NWD2: variants seen among roughly 807,000 people sequenced by gnomAD.
NWD2 encodes the protein NACHT and WD repeat domain containing 2, also known as NACHT and WD repeat domain-containing protein 2.
A neutral mutation model predicts 132.7 loss-of-function variants in NWD2; 37 were observed. The observed-to-expected ratio is 0.28, with a 90% CI of 0.21 to 0.37. NWD2 has a LOEUF of 0.37. Among genes scored for constraint, NWD2 ranks in the 10% least tolerant of loss-of-function variants. The pLI, the probability that NWD2 is intolerant of heterozygous loss-of-function variation, is 1.00. For synonymous variants in NWD2, 705 were observed against 803.0 expected (o/e 0.88, Z 2.06); for missense variants, 1,592 against 2,122.4 (o/e 0.75, Z 4.91).
chr4:37,303,161 C>T (rs1718640410), intron 1 of NWD2, among the ~76,000 whole-genome samples: 1 of 152,140 alleles, frequency 6.6e-6, no homozygotes, highest in Non-Finnish European at 1.5e-5. Context: ...TGGTCTTCTG[C>T]ATATGGACAT....
In NWD2 at chr4:37,265,530, G is replaced by A. The variant is rs576327750; in HGVS notation, c.151+20312G>A. Reference sequence around the variant, plus strand: ...TGCATTCTCTCTGGAGGTATTAGAAGAGAACCTGTCTCCTTGCCTTTTGCA... The same window carrying A: ...TGCATTCTCTCTGGAGGTATTAGAAAAGAACCTGTCTCCTTGCCTTTTGCA... On this transcript the variant is annotated intron_variant, in intron 1 of 6. Coordinates refer to ENST00000309447, the MANE Select transcript of NWD2 (RefSeq NM_001144990.2). Among the ~76,000 whole-genome samples, 116 of 152,198 alleles carry A rather than the reference G, an allele frequency of 7.6e-4. 1 individual carries two copies. In the South Asian group the frequency reaches 0.012, roughly 16 times the overall value.
At chr4:37,340,212 A>G (rs755843748) in intron 2 of NWD2, among the ~76,000 whole-genome samples, 1 of 152,138 alleles carries the variant, frequency 6.6e-6, no homozygotes, top group Non-Finnish European at 1.5e-5. Context: ...TACCAATTCT[A>G]CATGGGCAGA....
At chr4:37,260,236 C>T (rs1414223883) in intron 1 of NWD2, among the ~76,000 whole-genome samples, 55 of 152,162 alleles carry the variant, frequency 3.6e-4, no homozygotes, top group Non-Finnish European at 1.0e-4. Flanking sequence ...TGGACTGAAA[C>T]ATCTTGGCTT....
chr4:37,364,380 G>T (rs574696212), intron 3 of NWD2, among the ~76,000 whole-genome samples: 2 of 152,042 alleles, frequency 1.3e-5, no homozygotes, highest in African/African-American at 4.8e-5. Context: ...CCACGCATGC[G>T]ATGAGAGGAG....
chr4:37,375,799 C>T (rs546680941), intron 3 of NWD2, among the ~76,000 whole-genome samples: 195 of 152,242 alleles, frequency 1.3e-3, no homozygotes, highest in African/African-American at 4.4e-3. Flanking sequence ...GATCTCCTGA[C>T]CTTGTGATCC....
At chr4:37,276,889 A>G (rs1025723227) in intron 1 of NWD2, among the ~76,000 whole-genome samples, 19 of 152,112 alleles carry the variant, frequency 1.2e-4, no homozygotes, top group Non-Finnish European at 2.4e-4. Context: ...CAAGGACAAA[A>G]AACCAAACAC....
chr4:37,436,061 A>G (rs1712313732), intron 5 of NWD2, among the ~76,000 whole-genome samples: 1 of 152,154 alleles, frequency 6.6e-6, no homozygotes, highest in Non-Finnish European at 1.5e-5. Flanking sequence ...AGGACGAGAA[A>G]TAAATTAGAC....
intron 3 of NWD2, among the ~76,000 whole-genome samples, chr4:37,421,280 G>C (rs1336789888): frequency 6.6e-6 from 1 of 152,176 alleles, no homozygotes; most frequent in Admixed American, 6.5e-5. Context: ...CCAGGATTAG[G>C]GTTGTAATCT....
At chr4:37,263,725 G>A (rs1717695308) in intron 1 of NWD2, among the ~76,000 whole-genome samples, 1 of 152,114 alleles carries the variant, frequency 6.6e-6, no homozygotes, top group African/African-American at 2.4e-5. Flanking sequence ...AGAGGGAGGG[G>A]AGGAGAAGAA....
At chr4:37,347,855 A>T (rs6827158) in intron 2 of NWD2, among the ~76,000 whole-genome samples, 2 of 152,198 alleles carry the variant, frequency 1.3e-5, no homozygotes, top group African/African-American at 4.8e-5. Context: ...GGTGTCAGCC[A>T]AAAGAATCGA....
intron 3 of NWD2, among the ~76,000 whole-genome samples, chr4:37,426,456 TTTC>T (rs1712011635): frequency 6.6e-6 from 1 of 152,250 alleles, no homozygotes; most frequent in African/African-American, 2.4e-5. Flanking sequence ...GAGGATATTT[TTTC>T]TTCTTTAGTA....
chr4:37,378,986 C>G (rs529988750), intron 3 of NWD2, among the ~76,000 whole-genome samples: 59 of 152,280 alleles, frequency 3.9e-4, no homozygotes, highest in African/African-American at 1.3e-3. Context: ...AATTGCAGTT[C>G]ACATTTTGTA....
intron 3 of NWD2, among the ~76,000 whole-genome samples, chr4:37,415,790 A>G (rs1192661279): frequency 6.6e-6 from 1 of 152,116 alleles, no homozygotes; most frequent in Non-Finnish European, 1.5e-5. Flanking sequence ...GCACATACTG[A>G]AGAGAACACT....
chr4:37,385,484 G>A (rs114550573), intron 3 of NWD2, among the ~76,000 whole-genome samples: 5 of 152,244 alleles, frequency 3.3e-5, no homozygotes, highest in East Asian at 3.9e-4. Flanking sequence ...ACAGAGCAGC[G>A]TTCTCTCTGC....
At chr4:37,263,335 A>G (rs182240705) in intron 1 of NWD2, among the ~76,000 whole-genome samples, 3 of 152,274 alleles carry the variant, frequency 2.0e-5, no homozygotes, top group African/African-American at 7.2e-5. Context: ...AGAACTGTCC[A>G]TCACTTTCCC....
intron 2 of NWD2, among the ~76,000 whole-genome samples, chr4:37,339,437 C>T (rs917989224): frequency 2.5e-4 from 38 of 152,216 alleles, no homozygotes; most frequent in African/African-American, 8.0e-4. Context: ...CCTAAATATA[C>T]AGCAGTGACA....
chr4:37,409,283 A>C (rs765898563), intron 3 of NWD2, among the ~76,000 whole-genome samples: 1 of 152,028 alleles, frequency 6.6e-6, no homozygotes, highest in Non-Finnish European at 1.5e-5. Context: ...AGGAATGGCT[A>C]ACTAGAATAA....
chr4:37,354,552 G>A lies in NWD2; in HGVS notation c.241-1814G>A, dbSNP rs150269377. On this transcript the variant is annotated intron_variant, in intron 2 of 6. Coordinates refer to ENST00000309447, the MANE Select transcript of NWD2 (RefSeq NM_001144990.2). Reference sequence around the variant, plus strand: ...TCAGAGATGCCCTGCCCAGAGAGGAGGAACCTAGAGAGGCAGTCTACTTGC... The same window carrying A: ...TCAGAGATGCCCTGCCCAGAGAGGAAGAACCTAGAGAGGCAGTCTACTTGC... Among the ~76,000 whole-genome samples, 57 of 152,330 alleles carry A rather than the reference G, an allele frequency of 3.7e-4. No homozygotes were observed. The East Asian group carries it at 0.01, about 28-fold the overall frequency.
chr4:37,388,365 G>A (rs1323315498), intron 3 of NWD2, among the ~76,000 whole-genome samples: 1 of 151,806 alleles, frequency 6.6e-6, no homozygotes, highest in Non-Finnish European at 1.5e-5. Context: ...TGTACTTTTA[G>A]TAGAGATGGG....
Sources: gnomAD v4.1 joint callset for allele counts (sites outside exome capture counted in the v4.1 genomes callset) on GRCh38, gnomAD v4.1.1 for gene constraint, MANE v1.5 for transcripts, NCBI Gene and HGNC (gene_info 2026-07-23, HGNC 2026-07-21) for gene names.